The following PTPRE variants were observed in gnomAD, a reference collection of about 807,000 sequenced individuals.
PTPRE encodes receptor-type tyrosine-protein phosphatase epsilon.
In PTPRE, 51 loss-of-function variants were observed where a neutral mutation model predicts 102.0. The ratio of observed to expected loss-of-function variants is 0.50; its 90% confidence interval spans 0.40 to 0.63. The LOEUF (loss-of-function observed/expected upper bound fraction) is 0.63. PTPRE is among the 30% of genes least tolerant of loss of function. The pLI is 0.00. For missense variants in PTPRE, 752 were observed against 915.1 expected, an observed-to-expected ratio of 0.82 and a Z score of 2.30; for synonymous variants, 345 against 348.2, an observed-to-expected ratio of 0.99 and a Z score of 0.10.
rs575538560 is a variant in PTPRE, at chr10:128,025,786, C to A, written c.-7-15089C>A. Among the ~76,000 whole-genome samples, 240 of 152,308 alleles carry A rather than the reference C, an allele frequency of 1.6e-3. 2 individuals are homozygous for A. Among genetic ancestry groups the A allele is most frequent in the African/African-American group, 5.2e-3 (217 of 41,570 alleles). On this transcript the variant is annotated intron_variant, in intron 2 of 20. Transcript: ENST00000254667. ...TGCTCCAGGGGACCCAGGGAAGCAG[C>A]CCCTCCCCAGCTCCCAGCAGCCTCC...
chr10:127,912,773 C>A (rs1054459505), intron 1 of PTPRE, among the ~76,000 whole-genome samples: 1 of 152,192 alleles, frequency 6.6e-6, no homozygotes, highest in East Asian at 1.9e-4. Flanking sequence ...GACAGCCAGT[C>A]CCACAATGCC....
intron 1 of PTPRE, among the ~76,000 whole-genome samples, chr10:127,976,458 G>C (rs1400907754): frequency 6.6e-6 from 1 of 152,114 alleles, no homozygotes; most frequent in Non-Finnish European, 1.5e-5. Context: ...GCCTTGGTCG[G>C]GGGAGGAGGG....
intron 2 of PTPRE, chr10:127,999,581 G>C (rs1216314139): frequency 1.0e-6 from 1 of 985,356 alleles, no homozygotes; most frequent in South Asian, 4.7e-5. Flanking sequence ...GAGCACGCAG[G>C]TTGCACTGTT....
intron 1 of PTPRE, among the ~76,000 whole-genome samples, chr10:127,969,462 G>A (rs2135417977): frequency 6.6e-6 from 1 of 152,222 alleles, no homozygotes; most frequent in Non-Finnish European, 1.5e-5. Flanking sequence ...GAGGCCAAGA[G>A]TCCCAGACTA....
intron 1 of PTPRE, among the ~76,000 whole-genome samples, chr10:127,939,955 G>A (rs1239245260): frequency 6.6e-6 from 1 of 151,200 alleles, no homozygotes; most frequent in Non-Finnish European, 1.5e-5. Context: ...GGCAGGTGAG[G>A]GCAGGCGCAG....
chr10:128,077,230 A>G (rs1851281634), intron 18 of PTPRE, among the ~76,000 whole-genome samples: 1 of 152,188 alleles, frequency 6.6e-6, no homozygotes, highest in African/African-American at 2.4e-5. Context: ...CCAGCCACAG[A>G]GCCACCCTGG....
At chr10:127,968,923 G>T (rs576562769) in intron 1 of PTPRE, among the ~76,000 whole-genome samples, 1 of 152,248 alleles carries the variant, frequency 6.6e-6, no homozygotes, top group East Asian at 1.9e-4. Flanking sequence ...GGCTTATATT[G>T]TTCTAGTCTG....
Position 127,967,403 on chromosome 10 carries a change from G to A in PTPRE, c.-30-14871G>A, listed in dbSNP as rs138875710. ...TGAATCATGGCAACAGGTTTTTCCC[G>A]TGCTGTTCTCGTGATAGTGAATAAA... On this transcript the variant is annotated intron_variant, in intron 1 of 20. Transcript: ENST00000254667. Among the ~76,000 whole-genome samples, 81 of 152,142 alleles carry A rather than the reference G, an allele frequency of 5.3e-4. 1 individual carries two copies. Among genetic ancestry groups the A allele is most frequent in the African/African-American group, 1.6e-3 (65 of 41,494 alleles).
At chr10:128,017,890 C>T (rs1845563968) in intron 2 of PTPRE, among the ~76,000 whole-genome samples, 1 of 152,216 alleles carries the variant, frequency 6.6e-6, no homozygotes. Flanking sequence ...CGTCCTTCCA[C>T]AAAACGACCT....
chr10:128,070,583 C>A lies in PTPRE; in HGVS notation c.1293+133C>A. The A allele has an allele frequency of 7.8e-7, 1 of 1,280,526 alleles. No homozygotes were observed. Among genetic ancestry groups the A allele is most frequent in the Admixed American group, 2.6e-5 (1 of 38,778 alleles). 79.3% of individuals were successfully genotyped at this position (1,280,526 alleles called of 1,614,324 possible). ...GACCTCAGAAAAAGCAGGGGCAATA[C>A]CTGAGCCATGATTTACAAGGGAAGA... On this transcript the variant is annotated intron_variant, in intron 14 of 20. Coordinates refer to ENST00000254667, the MANE Select transcript of PTPRE (RefSeq NM_006504.6). The surrounding 1 kb of genome is among the most constrained non-coding windows in gnomAD (Gnocchi z 4.8).
intron 1 of PTPRE, among the ~76,000 whole-genome samples, chr10:127,939,827 C>T (rs1385311266): frequency 6.7e-6 from 1 of 148,184 alleles, no homozygotes; most frequent in Non-Finnish European, 1.5e-5. Context: ...CAGGAAGAAG[C>T]AGGTGAGGGC....
At chr10:128,065,089 G>A (rs1172615962) in intron 10 of PTPRE, among the ~76,000 whole-genome samples, 3 of 152,168 alleles carry the variant, frequency 2.0e-5, no homozygotes, top group African/African-American at 7.2e-5. Flanking sequence ...GGCTGCATCA[G>A]AGATGGCCTG....
chr10:127,937,819 A>T (rs912205823), intron 1 of PTPRE, among the ~76,000 whole-genome samples: 4 of 152,208 alleles, frequency 2.6e-5, no homozygotes, highest in African/African-American at 9.6e-5. Flanking sequence ...AGATCACACC[A>T]CTGCCCTCAA....
intron 2 of PTPRE, among the ~76,000 whole-genome samples, chr10:127,994,477 G>T (rs1157518855): frequency 6.6e-6 from 1 of 152,196 alleles, no homozygotes; most frequent in Non-Finnish European, 1.5e-5. Flanking sequence ...ATAGGATAGG[G>T]ATCCCATCCC....
At chr10:128,056,048 G>A (rs377180543) in intron 6 of PTPRE, 75 bp from the exon 7 acceptor site, 1 of 1,187,728 alleles carries the variant, frequency 8.4e-7, no homozygotes, top group Non-Finnish European at 1.2e-6. Flanking sequence ...TAATTCCTGT[G>A]CTCAGTAGGG....
chr10:128,030,260 C>G (rs2135737660), intron 2 of PTPRE, among the ~76,000 whole-genome samples: 1 of 152,350 alleles, frequency 6.6e-6, no homozygotes, highest in South Asian at 2.1e-4. Context: ...AATAACCAGC[C>G]CTTGCCTGAT....
intron 10 of PTPRE, among the ~76,000 whole-genome samples, chr10:128,063,557 TATC>T (rs1431496002): frequency 2.6e-5 from 4 of 152,244 alleles, no homozygotes; most frequent in Admixed American, 6.5e-5. Flanking sequence ...TCGCGCTTAT[TATC>T]CAGACTAGAG....
Position 128,070,196 on chromosome 10 carries a change from A to T in PTPRE, c.1144-105A>T. On this transcript the variant is annotated intron_variant, in intron 13 of 20. Coordinates refer to ENST00000254667, the MANE Select transcript of PTPRE (RefSeq NM_006504.6). The surrounding 1 kb of genome is among the most constrained non-coding windows in gnomAD (Gnocchi z 4.8). The stretch of plus-strand genomic sequence containing the variant: ...TGCCTCACACCTCCTTGTGTTGGCA[A>T]AAAGAGAAAAAGAAGAAAGCCGCCC... 7.3e-7 allele frequency: 1 copy of T among 1,370,632 alleles called. No homozygotes were observed. Among genetic ancestry groups the T allele is most frequent in the Non-Finnish European group, 9.9e-7 (1 of 1,009,286 alleles). 84.9% of individuals were successfully genotyped at this position (1,370,632 alleles called of 1,614,324 possible).
rs948212088 is a variant in PTPRE, at chr10:128,041,049, A to T, written c.109+59A>T. 8.4e-6 allele frequency: 12 copies of T among 1,432,698 alleles called. No individual in the cohort carries two copies. The African/African-American group carries it at 1.4e-4, about 17-fold the overall frequency. The allele number at this position is 1,432,698 out of a possible 1,614,324, so 88.7% of individuals were successfully genotyped here. On this transcript the variant is annotated intron_variant, in intron 3 of 20. Transcript: ENST00000254667. ...TACCTCCTCCTAAGCTCCTGGGACC[A>T]TTCAGAGGGTGATAAAGGGGCTTAG...
Sources: gnomAD v4.1 joint callset for allele counts (sites outside exome capture counted in the v4.1 genomes callset) on GRCh38, gnomAD v4.1.1 for gene constraint, Gnocchi (gnomAD v3.1) non-coding constraint, MANE v1.5 for transcripts, NCBI Gene and HGNC (gene_info 2026-07-23, HGNC 2026-07-21) for gene names.